Variants in CERS1 observed in about 807,000 individuals in gnomAD.
CERS1 encodes ceramide synthase 1, also known as Embryonic growth/differentiation factor 1.
Under a neutral mutation model 35.7 loss-of-function variants are expected in CERS1, and 16 were observed. The observed-to-expected ratio is 0.45, with a 90% CI of 0.30 to 0.68. The LOEUF is 0.68. Among genes scored for constraint, CERS1 ranks in the 30% least tolerant of loss-of-function variants. The pLI is 0.08. For missense variants in CERS1, 454 were observed against 453.9 expected (o/e 1.00, Z 0.00); for synonymous variants, 243 against 201.6 (o/e 1.21, Z -1.74).
rs1157054571 is a variant in CERS1 at position 18,895,649 on chromosome 19, C to T, written c.249+175G>A. Among the ~76,000 whole-genome samples the T allele has an allele frequency of 6.6e-6, 1 of 151,896 alleles. No homozygotes were observed. The highest frequency in any genetic ancestry group is 2.1e-4 in the South Asian group (1 of 4,812). ...GCGCGGCGGCCCGAGAGACCTTATC[C>T]TGGGGCTCCAACGTCCTGGGCCTCT... is the stretch of plus-strand genomic sequence containing the variant. On this transcript the variant is annotated intron_variant, in intron 1 of 7. Coordinates refer to ENST00000623882, the MANE Select transcript of CERS1 (RefSeq NM_021267.5). This position sits in a 1 kb window ranked among gnomAD's most constrained non-coding sequence, Gnocchi z 6.4.
chr19:18,884,096 T>G lies in CERS1; in HGVS notation c.581A>C (p.Tyr194Ser). The change falls in exon 3 of 8, where the codon TAC becomes TCC. Residue 194 changes from tyrosine (Y) to serine (S), a missense_variant. By Grantham distance (144) the Tyr-to-Ser change is moderately radical (BLOSUM62 -2). Coordinates refer to ENST00000623882, the MANE Select transcript of CERS1 (RefSeq NM_021267.5). ...VVTLILIVSS[Y>S]AFRYHNVGIL... ...CCGATCCTGTCCTTACCGGAAGGCG[T>G]AGGAGGAGACGATGAGGATGAGAGT... The G allele has an allele frequency of 6.2e-7, 1 of 1,612,442 alleles. No homozygotes were observed. Among genetic ancestry groups the G allele is most frequent in the African/African-American group, 1.3e-5 (1 of 74,920 alleles).
intron 1 of CERS1, among the ~76,000 whole-genome samples, chr19:18,894,706 C>A (rs1377852347): frequency 2.0e-5 from 3 of 152,180 alleles, no homozygotes; most frequent in Non-Finnish European, 4.4e-5. Context: ...CTGTCTCCCC[C>A]TCCCACAGTA....
At chr19:18,873,199 G>GAAAT (rs1007029610) in intron 6 of CERS1, among the ~76,000 whole-genome samples, 4 of 152,122 alleles carry the variant, frequency 2.6e-5, no homozygotes, top group African/African-American at 9.7e-5. Context: ...AGTCTGGGGT[G>GAAAT]AAATTGGGGG....
chr19:18,879,130 C>T, intron 5 of CERS1, 91 bp from the exon 6 acceptor site: 1 of 1,586,078 alleles, frequency 6.3e-7, no homozygotes, highest in Non-Finnish European at 8.6e-7. Flanking sequence ...GGGCCCTCCA[C>T]ACGGGCTGTC....
chr19:18,896,101 C>G lies in CERS1; in HGVS notation c.-29G>C. 3 of 877,758 alleles carry G rather than the reference C, an allele frequency of 3.4e-6. No individual in the cohort carries two copies. The highest frequency in any genetic ancestry group is 4.1e-6 in the Non-Finnish European group (3 of 734,418). 54.4% of individuals were successfully genotyped at this position (877,758 alleles called of 1,614,324 possible). ...GCCCGCTCGCCCGCCGTGCCCGTCG[C>G]CTGCGCCCGCCCGCGGTAGCCGACG... On this transcript the variant is annotated 5_prime_UTR_variant, in exon 1 of 8. Transcript: ENST00000623882. This position sits in a 1 kb window ranked among gnomAD's most constrained non-coding sequence, Gnocchi z 5.9.
intron 3 of CERS1, among the ~76,000 whole-genome samples, chr19:18,882,748 A>C (rs1410694151): frequency 1.3e-5 from 2 of 151,514 alleles, no homozygotes; most frequent in African/African-American, 4.8e-5. Context: ...GCTGGAGTGC[A>C]GTGGCATGAT....
intron 2 of CERS1, among the ~76,000 whole-genome samples, chr19:18,887,060 G>A (rs1261802160): frequency 1.3e-5 from 2 of 152,218 alleles, no homozygotes; most frequent in Admixed American, 6.5e-5. Flanking sequence ...ATACTCATGT[G>A]TCCCTGTCTA....
rs1792598984 is a variant in CERS1 at position 18,876,623 on chromosome 19, C to G, written c.1010+2307G>C. Among the ~76,000 whole-genome samples the G allele has an allele frequency of 4.1e-5, 6 of 146,600 alleles. No homozygotes were observed. The Admixed American group carries it at 4.1e-4, about 10-fold the overall frequency. On this transcript the variant is annotated intron_variant, in intron 6 of 7. Transcript: ENST00000623882. Reference sequence around the variant, plus strand: ...TGGTCTTGAACACCTGGCCTCAAGCCATCCTCCTGCCTTGGCCTCCCAAAG... The same window carrying G: ...TGGTCTTGAACACCTGGCCTCAAGCGATCCTCCTGCCTTGGCCTCCCAAAG...
intron 6 of CERS1, among the ~76,000 whole-genome samples, chr19:18,877,643 T>C (rs1251131418): frequency 6.6e-6 from 1 of 151,730 alleles, no homozygotes; most frequent in Non-Finnish European, 1.5e-5. Context: ...GCCCAGCTAC[T>C]TGGGAGGCTG....
At position 18,870,695 on chromosome 19, in the gene CERS1, G is replaced by A; in HGVS notation, c.1011-76C>T. 1 of 504,004 alleles carries A rather than the reference G, an allele frequency of 2.0e-6. No homozygotes were observed. Among genetic ancestry groups the A allele is most frequent in the Non-Finnish European group, 3.6e-6 (1 of 278,376 alleles). 31.2% of individuals were successfully genotyped at this position (504,004 alleles called of 1,614,324 possible). A position where few individuals can be genotyped will look rare whatever the true frequency, so the allele number is the denominator to read the frequency against. ...TGGCCCTCTTTCCCGCTTCTTCTCT[G>A]GCCGTTTCACACCCCCTGGCTCCTT... is the stretch of plus-strand genomic sequence containing the variant. On this transcript the variant is annotated intron_variant, in intron 6 of 7. Coordinates refer to ENST00000623882, the MANE Select transcript of CERS1 (RefSeq NM_021267.5). The surrounding 1 kb of genome is among the most constrained non-coding windows in gnomAD (Gnocchi z 5.1).
At chr19:18,889,892 G>C (rs2056450271) in intron 2 of CERS1, among the ~76,000 whole-genome samples, 1 of 152,110 alleles carries the variant, frequency 6.6e-6, no homozygotes, top group Non-Finnish European at 1.5e-5. Flanking sequence ...ACCACCTCTA[G>C]GGTGGCAGCA....
chr19:18,878,812 G>C lies in CERS1; in HGVS notation c.1010+118C>G, dbSNP rs911875151. ...CAGTCTCTGTTTTGGAGTAGGCTTG[G>C]GGGGCAGCATCCGCGTCGGCCTCAT... is the stretch of plus-strand genomic sequence containing the variant. On this transcript the variant is annotated intron_variant, in intron 6 of 7. Transcript: ENST00000623882. The surrounding 1 kb of genome is among the most constrained non-coding windows in gnomAD (Gnocchi z 4.6). 1.5e-5 allele frequency: 23 copies of C among 1,492,820 alleles called. No homozygotes were observed. Among genetic ancestry groups the C allele is most frequent in the Non-Finnish European group, 1.9e-5 (21 of 1,121,840 alleles). The allele number at this position is 1,492,820 out of a possible 1,614,324, so 92.5% of individuals were successfully genotyped here.
Position 18,870,595 on chromosome 19 carries a change from C to T in CERS1, c.1035G>A (p.Val345=), listed in dbSNP as rs749025315. Residue 345 remains valine, a synonymous_variant, in exon 7 of 8, where the codon GTG becomes GTA. Coordinates refer to ENST00000623882, the MANE Select transcript of CERS1 (RefSeq NM_021267.5). This position sits in a 1 kb window ranked among gnomAD's most constrained non-coding sequence, Gnocchi z 5.1. ...GAGGGGTTCAGAAGCGCTTGTCCTT[C>T]ACCAGGCCGTTCCTCAGTGGCTTCC... ...KAEKPLRNGL[V]KDKRF The T allele has an allele frequency of 1.7e-6, 1 of 586,560 alleles. No homozygotes were observed. The highest frequency in any genetic ancestry group is 3.0e-5 in the Admixed American group (1 of 33,054). The allele number at this position is 586,560 out of a possible 1,614,324, so 36.3% of individuals were successfully genotyped here. A position where few individuals can be genotyped will look rare whatever the true frequency, so the allele number is the denominator to read the frequency against.
At chr19:18,894,461 T>C (rs2056575908) in intron 1 of CERS1, among the ~76,000 whole-genome samples, 2 of 152,058 alleles carry the variant, frequency 1.3e-5, no homozygotes, top group Non-Finnish European at 2.9e-5. Flanking sequence ...CCTCCACCCA[T>C]TTCTGAGGAA....
chr19:18,887,092 C>T (rs1334330267), intron 2 of CERS1, among the ~76,000 whole-genome samples: 5 of 152,240 alleles, frequency 3.3e-5, no homozygotes, highest in Non-Finnish European at 5.9e-5. Context: ...AACCAAAAGG[C>T]AGACACAACC....
Position 18,893,527 on chromosome 19 carries a change from G to C in CERS1, c.298C>G (p.Pro100Ala), listed in dbSNP as rs1426723196. Reference protein sequence around the residue: ...CLQPRDAAKMPESAWKFLFYL... With the variant: ...CLQPRDAAKMAESAWKFLFYL... The stretch of plus-strand genomic sequence containing the variant: ...AAGAGAAACTTCCAAGCGCTCTCGG[G>C]CATCTTGGCGGCATCTCTGGGCTGG... Residue 100 changes from proline to alanine, a missense_variant, in exon 2 of 8, where the codon CCC becomes GCC. Physicochemically the swap from Pro to Ala is conservative, Grantham distance 27. Transcript: ENST00000623882. 14 of 1,610,714 alleles carry C rather than the reference G, an allele frequency of 8.7e-6. No homozygotes were observed. Among genetic ancestry groups the C allele is most frequent in the Non-Finnish European group, 1.2e-5 (14 of 1,178,768 alleles).
chr19:18,887,761 A>G (rs189744183), intron 2 of CERS1, among the ~76,000 whole-genome samples: 1,623 of 151,900 alleles, frequency 0.011, 26 homozygotes, highest in African/African-American at 0.036. Flanking sequence ...AAAAAAAAAA[A>G]ATTGTGTTAA....
intron 6 of CERS1, among the ~76,000 whole-genome samples, chr19:18,873,435 G>A (rs1476001277): frequency 6.6e-6 from 1 of 152,004 alleles, no homozygotes; most frequent in African/African-American, 2.4e-5. Context: ...AGTGGCTCAC[G>A]CCTGTAATCC....
rs1568291956 is a variant in CERS1 at position 18,870,543 on chromosome 19, TGGGGCCGGGTCCACGGGGGC to T, written c.*14_*33del. 1 of 28,248 alleles carries T rather than the reference TGGGGCCGGGTCCACGGGGGC, an allele frequency of 3.5e-5. No homozygotes were observed. The highest frequency in any genetic ancestry group is 1.1e-4 in the Non-Finnish European group (1 of 8,784). The allele number at this position is 28,248 out of a possible 1,614,324, so 1.7% of individuals were successfully genotyped here. On this transcript the variant is annotated 3_prime_UTR_variant, in exon 7 of 8. Coordinates refer to ENST00000623882, the MANE Select transcript of CERS1 (RefSeq NM_021267.5). The surrounding 1 kb of genome is among the most constrained non-coding windows in gnomAD (Gnocchi z 5.1). Reference sequence around the variant, plus strand: ...GGGAGCGTGGCCGGGGTATTCGGGGTGGGGCCGGGTCCACGGGGGCGGGGCCGAGGGGTTCAGAAGCGCTT... The same window carrying T: ...GGGAGCGTGGCCGGGGTATTCGGGGTGGGGCCGAGGGGTTCAGAAGCGCTT...
Sources: gnomAD v4.1 joint callset for allele counts (sites outside exome capture counted in the v4.1 genomes callset) on GRCh38, gnomAD v4.1.1 for gene constraint, Gnocchi (gnomAD v3.1) non-coding constraint, MANE v1.5 for transcripts, NCBI Gene and HGNC (gene_info 2026-07-23, HGNC 2026-07-21) for gene names.